Variants in ADGRL3 observed in about 807,000 individuals in gnomAD.
The protein encoded by ADGRL3 is adhesion G protein-coupled receptor L3, also known as calcium-independent alpha-latrotoxin receptor 3.
ADGRL3 carries 62 observed loss-of-function variants against 153.5 expected under a neutral mutation model. That is an observed-to-expected ratio of 0.40 (90% CI 0.33 to 0.50). The LOEUF is 0.50. Ranked by LOEUF, ADGRL3 falls within the 20% of genes least tolerant of loss-of-function variation. The probability of loss-of-function intolerance (pLI) is 0.47; values close to 1 mark genes in which losing one functional copy is unlikely to be tolerated. For synonymous variants in ADGRL3, 710 were observed against 672.5 expected, an observed-to-expected ratio of 1.06 and a Z score of -0.86; for missense variants, 1,641 against 1,859.4, an observed-to-expected ratio of 0.88 and a Z score of 2.16.
At position 61,787,190 on chromosome 4, in the gene ADGRL3, A is replaced by T. The variant is rs781443961; in HGVS notation, c.1400-26619A>T. On this transcript the variant is annotated intron_variant, in intron 8 of 26. Transcript: ENST00000683033. ...CAATAACATCACAATTGAAGGTATCATTTTTCTCTAATTGATATGTCACAT... is the reference window on the plus strand; with the variant it reads ...CAATAACATCACAATTGAAGGTATCTTTTTTCTCTAATTGATATGTCACAT... Among the ~76,000 whole-genome samples, 107 of 152,184 alleles carry T rather than the reference A, an allele frequency of 7.0e-4. No homozygotes were observed. In the Middle Eastern group the frequency reaches 0.01, roughly 15 times the overall value.
intron 1 of ADGRL3, among the ~76,000 whole-genome samples, chr4:61,358,343 AG>A (rs1322579019): frequency 1.3e-5 from 2 of 151,952 alleles, no homozygotes; most frequent in East Asian, 3.9e-4. Flanking sequence ...CACGCCTGTA[AG>A]TCCAGCACTT....
intron 2 of ADGRL3, chr4:61,420,657 C>G: frequency 6.6e-6 from 1 of 151,748 alleles, no homozygotes; most frequent in East Asian, 2.0e-4. Context: ...CCGCCTGCCT[C>G]GGCCTCCCAA....
chr4:61,562,375 C>T (rs2098798822), intron 4 of ADGRL3, among the ~76,000 whole-genome samples: 1 of 152,130 alleles, frequency 6.6e-6, no homozygotes, highest in African/African-American at 2.4e-5. Context: ...TATGGATTGA[C>T]TCTCCCTTTC....
At position 62,070,658 on chromosome 4, in the gene ADGRL3, G is replaced by T; in HGVS notation, c.4382G>T (p.Gly1461Val). Residue 1461 changes from glycine to valine, a missense_variant, in exon 27 of 27, where the codon GGT becomes GTT. Physicochemically the swap from Gly to Val is moderately radical, Grantham distance 109 (BLOSUM62 -3). Transcript: ENST00000683033. ...SLYTSMPTLA[G>V]VAATESVTTS... ...TATACCAGCATGCCGACACTGGCTG[G>T]TGTGGCCGCCACAGAGAGTGTTACC... 1 of 1,551,460 alleles carries T rather than the reference G, an allele frequency of 6.4e-7. No homozygotes were observed. Among genetic ancestry groups the T allele is most frequent in the Non-Finnish European group, 8.7e-7 (1 of 1,146,964 alleles).
At chr4:61,723,830 G>T (rs1258309422) in intron 6 of ADGRL3, among the ~76,000 whole-genome samples, 1 of 152,028 alleles carries the variant, frequency 6.6e-6, no homozygotes, top group Non-Finnish European at 1.5e-5. Context: ...TTTATTAAAA[G>T]AAAAAGCCTT....
intron 1 of ADGRL3, among the ~76,000 whole-genome samples, chr4:61,367,956 T>C (rs1282833933): frequency 1.6e-4 from 24 of 151,110 alleles, no homozygotes; most frequent in African/African-American, 5.9e-4. Context: ...GGTATCTCAT[T>C]GTGGTTTCGA....
intron 23 of ADGRL3, among the ~76,000 whole-genome samples, chr4:62,033,552 A>T (rs564521508): frequency 6.6e-6 from 1 of 151,736 alleles, no homozygotes; most frequent in Non-Finnish European, 1.5e-5. Context: ...AGTCAGAGAG[A>T]CTAAAACTTG....
intron 4 of ADGRL3, among the ~76,000 whole-genome samples, chr4:61,563,377 G>C (rs946180372): frequency 2.6e-5 from 4 of 152,176 alleles, no homozygotes; most frequent in Non-Finnish European, 5.9e-5. Flanking sequence ...AGCACAGGCA[G>C]AGTAGATTTA....
At chr4:61,793,935 TAAAGTA>T (rs1335117754) in intron 8 of ADGRL3, among the ~76,000 whole-genome samples, 1 of 152,132 alleles carries the variant, frequency 6.6e-6, no homozygotes, top group Non-Finnish European at 1.5e-5. Context: ...AATAGTAACT[TAAAGTA>T]AAATATAGAT....
Position 62,006,950 on chromosome 4 carries a change from G to T in ADGRL3, c.3395+8685G>T, listed in dbSNP as rs374582044. Among the ~76,000 whole-genome samples, 7 of 152,134 alleles carry T rather than the reference G, an allele frequency of 4.6e-5. 1 individual carries two copies. Among genetic ancestry groups the T allele is most frequent in the African/African-American group, 1.7e-4 (7 of 41,512 alleles). On this transcript the variant is annotated intron_variant, in intron 21 of 26. Transcript: ENST00000683033. ...GGTGATACATGAAACTTAAAATTCAGAAGTAAGTGTTCTAGAGTTGGTTCA... is the reference window on the plus strand; with the variant it reads ...GGTGATACATGAAACTTAAAATTCATAAGTAAGTGTTCTAGAGTTGGTTCA...
chr4:61,482,929 T>C (rs2098146826), intron 2 of ADGRL3, among the ~76,000 whole-genome samples: 1 of 152,288 alleles, frequency 6.6e-6, no homozygotes, highest in African/African-American at 2.4e-5. Context: ...TCTTGCAACC[T>C]AATGGGAAAT....
chr4:61,912,147 A>G (rs1161371111), intron 12 of ADGRL3, among the ~76,000 whole-genome samples: 1 of 152,218 alleles, frequency 6.6e-6, no homozygotes, highest in Non-Finnish European at 1.5e-5. Context: ...ACATCCTTTC[A>G]ATCAGTAGCT....
intron 1 of ADGRL3, among the ~76,000 whole-genome samples, chr4:61,258,893 A>G (rs2092258771): frequency 6.6e-6 from 1 of 152,228 alleles, no homozygotes. Flanking sequence ...TGCTAATGCA[A>G]TAAAAATAAC....
chr4:61,678,565 A>G (rs1464480394), intron 6 of ADGRL3, among the ~76,000 whole-genome samples: 1 of 152,026 alleles, frequency 6.6e-6, no homozygotes, highest in Non-Finnish European at 1.5e-5. Context: ...TTTACATAAA[A>G]GGATTATAGT....
intron 1 of ADGRL3, among the ~76,000 whole-genome samples, chr4:61,337,848 G>A (rs1039371495): frequency 1.3e-5 from 2 of 152,060 alleles, no homozygotes; most frequent in Non-Finnish European, 2.9e-5. Flanking sequence ...TAACCTGCAA[G>A]GTTCTTATAT....
chr4:61,377,088 C>T (rs1342234514), intron 1 of ADGRL3, among the ~76,000 whole-genome samples: 1 of 152,060 alleles, frequency 6.6e-6, no homozygotes, highest in African/African-American at 2.4e-5. Context: ...ATAGAAGACA[C>T]CTCAGCACGG....
At chr4:61,683,178 T>C (rs890576734) in intron 6 of ADGRL3, among the ~76,000 whole-genome samples, 1 of 151,416 alleles carries the variant, frequency 6.6e-6, no homozygotes, top group African/African-American at 2.4e-5. Flanking sequence ...TGTGGCATAT[T>C]CACTGCTCAC....
At chr4:61,446,048 G>C (rs984036191) in intron 2 of ADGRL3, among the ~76,000 whole-genome samples, 2 of 152,128 alleles carry the variant, frequency 1.3e-5, no homozygotes, top group Admixed American at 6.5e-5. Context: ...TGTTTAGTAG[G>C]CCATACCAGG....
intron 8 of ADGRL3, among the ~76,000 whole-genome samples, chr4:61,769,328 T>A (rs2097051978): frequency 6.6e-6 from 1 of 151,766 alleles, no homozygotes; most frequent in Admixed American, 6.6e-5. Context: ...GCGCCAAGAT[T>A]GAAAGGAGAA....
Sources: allele counts gnomAD v4.1 joint callset (sites outside exome capture counted in the v4.1 genomes callset), GRCh38; gene constraint gnomAD v4.1.1; transcripts MANE v1.5; gene names NCBI Gene and HGNC (gene_info 2026-07-23, HGNC 2026-07-21).